Variants in COLEC10 observed in about 807,000 individuals in gnomAD.
The protein encoded by COLEC10 is collectin subfamily member 10.
A neutral mutation model predicts 28.4 loss-of-function variants in COLEC10; 22 were observed. The observed-to-expected ratio is 0.78, with a 90% CI of 0.55 to 1.11. The LOEUF (loss-of-function observed/expected upper bound fraction) is 1.11. COLEC10 is among the 50% of genes least tolerant of loss of function. The pLI, the probability that COLEC10 is intolerant of heterozygous loss-of-function variation, is 0.00. For synonymous variants in COLEC10, 125 were observed against 116.1 expected (o/e 1.08, Z -0.49); for missense variants, 361 against 344.1 (o/e 1.05, Z -0.39).
chr8:119,074,751 TC>T (rs1469628227), intron 1 of COLEC10, among the ~76,000 whole-genome samples: 2 of 152,218 alleles, frequency 1.3e-5, no homozygotes, highest in Non-Finnish European at 2.9e-5. Flanking sequence ...CCTCTTCTCT[TC>T]GCTGATATTG....
At chr8:119,037,275 C>G (rs911026627) in intron 2 of COLEC10, among the ~76,000 whole-genome samples, 22 of 152,154 alleles carry the variant, frequency 1.4e-4, no homozygotes, top group African/African-American at 5.3e-4. Flanking sequence ...ATATGAAGGA[C>G]CATGTCTAAC....
intron 2 of COLEC10, among the ~76,000 whole-genome samples, chr8:119,032,943 C>T (rs1814318076): frequency 6.6e-6 from 1 of 152,170 alleles, no homozygotes; most frequent in South Asian, 2.1e-4. Flanking sequence ...AGAGGTCTTC[C>T]TGGCCATTGT....
At chr8:118,994,150 T>G (rs1813552818), upstream of COLEC10, among the ~76,000 whole-genome samples, 1 of 152,182 alleles carries the variant, frequency 6.6e-6, no homozygotes, top group Non-Finnish European at 1.5e-5. Context: ...TCCCATCTGC[T>G]TTCTAAGTGT....
At chr8:119,053,342 G>T (rs1814707225) in intron 2 of COLEC10, among the ~76,000 whole-genome samples, 1 of 152,074 alleles carries the variant, frequency 6.6e-6, no homozygotes, top group South Asian at 2.1e-4. Context: ...CTTAGTAAGG[G>T]CAATACGCTA....
intron 1 of COLEC10, among the ~76,000 whole-genome samples, chr8:119,006,508 A>C (rs1249407800): frequency 6.6e-6 from 1 of 152,104 alleles, no homozygotes; most frequent in African/African-American, 2.4e-5. Context: ...AATCTATTTT[A>C]AATACCATTA....
chr8:118,957,702 A>G, the COLEC10 span, among the ~76,000 whole-genome samples: 19 of 152,346 alleles, frequency 1.2e-4, no homozygotes, highest in African/African-American at 4.3e-4. Flanking sequence ...ACACTGGGTC[A>G]TTGTCTCCAG....
the COLEC10 span, among the ~76,000 whole-genome samples, chr8:118,968,727 A>G: frequency 1.3e-5 from 2 of 151,744 alleles, no homozygotes; most frequent in African/African-American, 4.8e-5. Flanking sequence ...GCACCCATCA[A>G]CCCATCATCT....
chr8:119,018,690 C>A (rs1814036104), intron 2 of COLEC10, among the ~76,000 whole-genome samples: 1 of 152,116 alleles, frequency 6.6e-6, no homozygotes, highest in Non-Finnish European at 1.5e-5. Flanking sequence ...TATGGAATTA[C>A]CTGTCTATGA....
At chr8:119,086,529 C>T (rs1815484708) in intron 1 of COLEC10, among the ~76,000 whole-genome samples, 1 of 152,106 alleles carries the variant, frequency 6.6e-6, no homozygotes, top group South Asian at 2.1e-4. Flanking sequence ...CAGAAGCCTG[C>T]TTGGCCACCA....
intron 1 of COLEC10, among the ~76,000 whole-genome samples, chr8:119,009,018 G>T (rs1159605268): frequency 6.6e-6 from 1 of 150,852 alleles, no homozygotes; most frequent in Non-Finnish European, 1.5e-5. Flanking sequence ...CACATACATT[G>T]TTCCAGTTTT....
intron 2 of COLEC10, among the ~76,000 whole-genome samples, chr8:119,021,253 C>T (rs1209491910): frequency 6.6e-6 from 1 of 152,150 alleles, no homozygotes; most frequent in Non-Finnish European, 1.5e-5. Flanking sequence ...ATTCTTCTAG[C>T]ATGTGAAAAG....
chr8:119,083,705 A>G (rs187813984), intron 1 of COLEC10, among the ~76,000 whole-genome samples: 4 of 152,322 alleles, frequency 2.6e-5, no homozygotes. Flanking sequence ...TTAATTATTT[A>G]GTATAAGATT....
the COLEC10 span, among the ~76,000 whole-genome samples, chr8:118,963,582 C>A: frequency 6.6e-6 from 1 of 152,172 alleles, no homozygotes; most frequent in Non-Finnish European, 1.5e-5. Context: ...ATTTTTACAT[C>A]TCTGAAGTTA....
At position 118,999,523 on chromosome 8, in the gene COLEC10, G is replaced by A. The variant is rs866246485; in HGVS notation, n.122+3950G>A. On this transcript the variant is annotated intron_variant and non_coding_transcript_variant, in intron 1 of 6. Transcript: ENST00000521788. ...GGAGAATTGCTTGAACCCAGGAGGC[G>A]GAGGTTGCAGTGAGCCGAGATCATG... Among the ~76,000 whole-genome samples, 18 of 151,592 alleles carry A rather than the reference G, an allele frequency of 1.2e-4. No individual in the cohort carries two copies. The South Asian group carries it at 1.3e-3, about 11-fold the overall frequency.
chr8:119,101,390 C>G (rs942306090), intron 3 of COLEC10, among the ~76,000 whole-genome samples: 1 of 152,144 alleles, frequency 6.6e-6, no homozygotes. Context: ...TCCTGAAAAT[C>G]AAAAGCTTTT....
At chr8:119,069,629 A>AAAAATTTATATATATATATATATAT (rs1554627284) in intron 1 of COLEC10, among the ~76,000 whole-genome samples, 1 of 42,876 alleles carries the variant, frequency 2.3e-5, no homozygotes, top group Non-Finnish European at 4.4e-5. Context: ...AAAAAAAAAA[A>AAAAATTTATATATATATATATATAT]ATATATATAT....
At chr8:118,976,819 A>G in the COLEC10 span, among the ~76,000 whole-genome samples, 1 of 152,202 alleles carries the variant, frequency 6.6e-6, no homozygotes, top group Non-Finnish European at 1.5e-5. Flanking sequence ...GGCAACCTAC[A>G]AAATGGGAGA....
the COLEC10 span, among the ~76,000 whole-genome samples, chr8:118,973,542 A>G: frequency 6.6e-6 from 1 of 151,986 alleles, no homozygotes; most frequent in Non-Finnish European, 1.5e-5. Flanking sequence ...ATCGAAGTAC[A>G]CAAGTCAAAA....
intron 2 of COLEC10, among the ~76,000 whole-genome samples, chr8:119,048,594 CT>C (rs1275472156): frequency 1.3e-5 from 2 of 152,104 alleles, no homozygotes; most frequent in African/African-American, 4.8e-5. Context: ...ATGTAATATC[CT>C]TTTTTTGTCC....
Sources: gnomAD v4.1 joint callset for allele counts (sites outside exome capture counted in the v4.1 genomes callset) on GRCh38, gnomAD v4.1.1 for gene constraint, MANE v1.5 for transcripts, NCBI Gene and HGNC (gene_info 2026-07-23, HGNC 2026-07-21) for gene names.